NELL1: variants seen among roughly 807,000 people sequenced by gnomAD.
The protein encoded by NELL1 is neural EGFL like 1.
Under a neutral mutation model 107.4 loss-of-function variants are expected in NELL1, and 76 were observed. That is an observed-to-expected ratio of 0.71 (90% CI 0.59 to 0.86). The LOEUF (loss-of-function observed/expected upper bound fraction) is 0.86. Among genes scored for constraint, NELL1 ranks in the 40% least tolerant of loss-of-function variants. NELL1 has a pLI of 0.00. For missense variants in NELL1, 1,024 were observed against 1,005.5 expected (o/e 1.02, Z -0.25); for synonymous variants, 353 against 341.2 (o/e 1.03, Z -0.38).
At chr11:20,874,674 A>C (rs1394223420) in intron 4 of NELL1, among the ~76,000 whole-genome samples, 1 of 152,160 alleles carries the variant, frequency 6.6e-6, no homozygotes, top group African/African-American at 2.4e-5. Context: ...TCATCTGCTG[A>C]AACACCCTTC....
chr11:21,437,991 AT>A (rs1168714753), intron 15 of NELL1, among the ~76,000 whole-genome samples: 1 of 151,746 alleles, frequency 6.6e-6, no homozygotes, highest in Non-Finnish European at 1.5e-5. Flanking sequence ...CTTAATGTTT[AT>A]TTTTCTGATT....
rs1007130104 is a variant in NELL1, at chr11:21,321,579, T to A, written c.1550-49274T>A. Reference sequence around the variant, plus strand: ...CTTATTATAATAACAGACACTGATATTTGCTACGTGCTGAAAATTGTACTA... The same window carrying A: ...CTTATTATAATAACAGACACTGATAATTGCTACGTGCTGAAAATTGTACTA... On this transcript the variant is annotated intron_variant, in intron 14 of 19. Coordinates refer to ENST00000357134, the MANE Select transcript of NELL1 (RefSeq NM_006157.5). 2.7e-4 allele frequency among the ~76,000 whole-genome samples: 41 copies of A among 152,216 alleles called. 1 individual carries two copies. The highest frequency in any genetic ancestry group is 2.4e-3 in the Admixed American group (36 of 15,278).
chr11:20,677,181 G>A (rs1236062701), intron 1 of NELL1, among the ~76,000 whole-genome samples: 1 of 152,174 alleles, frequency 6.6e-6, no homozygotes, highest in African/African-American at 2.4e-5. Context: ...TTATTCCAGG[G>A]ATTCTCCTTC....
chr11:20,957,248 T>C (rs920015952), intron 11 of NELL1, among the ~76,000 whole-genome samples: 6 of 152,178 alleles, frequency 3.9e-5, no homozygotes, highest in African/African-American at 1.4e-4. Context: ...GACTTGCCTG[T>C]CAGTCTTGAC....
chr11:21,500,611 C>G (rs1855113554), intron 15 of NELL1, among the ~76,000 whole-genome samples: 2 of 152,040 alleles, frequency 1.3e-5, no homozygotes, highest in African/African-American at 4.8e-5. Flanking sequence ...TTTCAGCACC[C>G]AGAGCTTTAT....
intron 15 of NELL1, among the ~76,000 whole-genome samples, chr11:21,408,701 G>C (rs1016499617): frequency 6.6e-6 from 1 of 152,070 alleles, no homozygotes; most frequent in Non-Finnish European, 1.5e-5. Flanking sequence ...TTTGGCTTTT[G>C]TTGCCATTGC....
At chr11:21,487,024 ATAATGAAGGGGTTCCAAAACCTAT>A in intron 15 of NELL1, among the ~76,000 whole-genome samples, 1 of 152,278 alleles carries the variant, frequency 6.6e-6, no homozygotes, top group Middle Eastern at 3.4e-3. Flanking sequence ...GGACAAAGAG[ATAATGAAGGGGTTCCAAAACCTAT>A]TAATGAAATA....
chr11:21,112,016 A>G (rs1855118388), intron 12 of NELL1, among the ~76,000 whole-genome samples: 1 of 151,856 alleles, frequency 6.6e-6, no homozygotes, highest in Admixed American at 6.6e-5. Flanking sequence ...TTAGTTTTCC[A>G]TCTCTTGGAT....
At chr11:20,829,807 G>T (rs2134035337) in intron 3 of NELL1, among the ~76,000 whole-genome samples, 1 of 151,924 alleles carries the variant, frequency 6.6e-6, no homozygotes, top group Non-Finnish European at 1.5e-5. Context: ...TTTTGGCAAG[G>T]ATACCATAGA....
chr11:21,369,534 AAAC>A (rs1242886678), intron 14 of NELL1, among the ~76,000 whole-genome samples: 4 of 145,184 alleles, frequency 2.8e-5, no homozygotes, highest in Non-Finnish European at 3.1e-5. Context: ...ATAATGTGGA[AAAC>A]AACAATATTG....
At chr11:20,907,941 G>A (rs544111838) in intron 5 of NELL1, among the ~76,000 whole-genome samples, 10 of 152,092 alleles carry the variant, frequency 6.6e-5, no homozygotes, top group East Asian at 1.9e-4. Flanking sequence ...GCCAAAAAAC[G>A]TATGAAAAAG....
intron 3 of NELL1, among the ~76,000 whole-genome samples, chr11:20,797,380 C>T (rs1200338943): frequency 4.6e-5 from 7 of 151,592 alleles, no homozygotes; most frequent in Non-Finnish European, 8.8e-5. Flanking sequence ...CTGGCTAACA[C>T]GGTGAAATCC....
chr11:21,177,557 T>C (rs1435316682), intron 13 of NELL1, among the ~76,000 whole-genome samples: 3 of 151,864 alleles, frequency 2.0e-5, no homozygotes. Context: ...TAATAAACAG[T>C]GAATAATACT....
chr11:21,102,788 T>C (rs757909853), intron 12 of NELL1, among the ~76,000 whole-genome samples: 4 of 152,190 alleles, frequency 2.6e-5, no homozygotes, highest in Non-Finnish European at 5.9e-5. Flanking sequence ...TATGAATAAT[T>C]ATTATGCATT....
chr11:20,697,047 T>C (rs936371357), intron 2 of NELL1, among the ~76,000 whole-genome samples: 6 of 152,160 alleles, frequency 3.9e-5, no homozygotes, highest in Non-Finnish European at 5.9e-5. Context: ...TTCAGTTCAC[T>C]ATGTATAGAA....
At chr11:21,408,592 G>A (rs1414269166) in intron 15 of NELL1, among the ~76,000 whole-genome samples, 26 of 151,920 alleles carry the variant, frequency 1.7e-4, no homozygotes, top group African/African-American at 5.1e-4. Context: ...AGTAGGTTGC[G>A]AAAATTTTCT....
chr11:21,451,972 G>A (rs916764801), intron 15 of NELL1, among the ~76,000 whole-genome samples: 2 of 152,086 alleles, frequency 1.3e-5, no homozygotes, highest in Admixed American at 6.6e-5. Flanking sequence ...TAAGAAATAA[G>A]GCAACACAAT....
intron 13 of NELL1, among the ~76,000 whole-genome samples, chr11:21,214,483 A>T (rs1384704986): frequency 6.6e-6 from 1 of 152,208 alleles, no homozygotes; most frequent in Non-Finnish European, 1.5e-5. Context: ...AATTAAAAAC[A>T]TAATGCATTA....
intron 17 of NELL1, among the ~76,000 whole-genome samples, chr11:21,561,209 C>G (rs957236894): frequency 6.6e-6 from 1 of 151,992 alleles, no homozygotes; most frequent in African/African-American, 2.4e-5. Context: ...AGCCTCTTAG[C>G]CAAGTCTCCT....
Sources: allele counts gnomAD v4.1 joint callset (sites outside exome capture counted in the v4.1 genomes callset), GRCh38; gene constraint gnomAD v4.1.1; transcripts MANE v1.5; gene names NCBI Gene and HGNC (gene_info 2026-07-23, HGNC 2026-07-21).